CYP2S1: variants seen among roughly 807,000 people sequenced by gnomAD.
CYP2S1 encodes the protein cytochrome P450 2S1.
CYP2S1 carries 32 observed loss-of-function variants against 43.5 expected under a neutral mutation model. That is an observed-to-expected ratio of 0.74 (90% CI 0.56 to 0.99). The LOEUF (loss-of-function observed/expected upper bound fraction) is 0.99. CYP2S1 is among the 50% of genes least tolerant of loss of function. The probability of loss-of-function intolerance (pLI) is 0.00; values close to 1 mark genes in which losing one functional copy is unlikely to be tolerated. For synonymous variants in CYP2S1, 283 were observed against 302.9 expected, an observed-to-expected ratio of 0.93 and a Z score of 0.68; for missense variants, 575 against 673.9, an observed-to-expected ratio of 0.85 and a Z score of 1.62.
intron 2 of CYP2S1, among the ~76,000 whole-genome samples, chr19:41,195,393 T>C (rs560867159): frequency 6.6e-6 from 1 of 152,132 alleles, no homozygotes; most frequent in African/African-American, 2.4e-5. Context: ...CAGTAGTAAC[T>C]AAGACAGCAC....
intron 6 of CYP2S1, among the ~76,000 whole-genome samples, chr19:41,202,738 C>T (rs1482448052): frequency 6.6e-6 from 1 of 151,640 alleles, no homozygotes; most frequent in Non-Finnish European, 1.5e-5. Context: ...AAGGCTATTA[C>T]AGTGAGCCGT....
In CYP2S1 at chr19:41,198,911, C is replaced by T. The variant is rs774583622; in HGVS notation, c.834+23C>T. ...CAGGTGTGGGAAGGGTGCAGGGACC[C>T]CCTCTCTGAATGGGCGTGGTGACCT... On this transcript the variant is annotated intron_variant, in intron 5 of 8. Transcript: ENST00000310054. The surrounding 1 kb of genome is among the most constrained non-coding windows in gnomAD (Gnocchi z 4.9). 1.3e-6 allele frequency: 2 copies of T among 1,589,516 alleles called. No homozygotes were observed. Among genetic ancestry groups the T allele is most frequent in the East Asian group, 2.3e-5 (1 of 44,378 alleles).
chr19:41,199,003 G>C (rs1246061140), intron 5 of CYP2S1, 115 bp downstream of exon 5: 1 of 1,265,054 alleles, frequency 7.9e-7, no homozygotes, highest in Admixed American at 2.6e-5. Flanking sequence ...CTCTCTGCAT[G>C]TCTCTGTGAG....
intron 2 of CYP2S1, 133 bp from the exon 3 acceptor site, chr19:41,197,646 G>A: frequency 7.3e-7 from 1 of 1,364,144 alleles, no homozygotes; most frequent in Non-Finnish European, 1.0e-6. Context: ...GTTGCAGTGA[G>A]ACGAGATCAC....
rs1357581816 is a variant in CYP2S1, at chr19:41,193,246, A to G, written c.-19A>G. The G allele has an allele frequency of 5.3e-6, 8 of 1,523,424 alleles. No individual in the cohort carries two copies. The highest frequency in any genetic ancestry group is 7.0e-6 in the Non-Finnish European group (8 of 1,140,810). 94.4% of individuals were successfully genotyped at this position (1,523,424 alleles called of 1,614,324 possible). A position where few individuals can be genotyped will look rare whatever the true frequency, so the allele number is the denominator to read the frequency against. On this transcript the variant is annotated 5_prime_UTR_variant, in exon 1 of 9. Transcript: ENST00000310054. ...CCGCGCGGAGCGCCTGGGAGAGGAG[A>G]AGGAGCCGACCTGCCGAGATGGAGG...
At chr19:41,204,847 C>T (rs1239155235) in intron 7 of CYP2S1, among the ~76,000 whole-genome samples, 4 of 152,058 alleles carry the variant, frequency 2.6e-5, no homozygotes, top group Non-Finnish European at 4.4e-5. Flanking sequence ...CTGCCTGCCT[C>T]GGCCTCCTAA....
Position 41,193,263 on chromosome 19 carries a change from A to G in CYP2S1, c.-2A>G. 6.5e-7 allele frequency: 1 copy of G among 1,540,932 alleles called. No individual in the cohort carries two copies. Reference sequence around the variant, plus strand: ...GAGAGGAGAAGGAGCCGACCTGCCGAGATGGAGGCGACCGGCACCTGGGCG... The same window carrying G: ...GAGAGGAGAAGGAGCCGACCTGCCGGGATGGAGGCGACCGGCACCTGGGCG... On this transcript the variant is annotated 5_prime_UTR_variant, in exon 1 of 9. Transcript: ENST00000310054.
intron 6 of CYP2S1, among the ~76,000 whole-genome samples, chr19:41,202,145 G>A (rs1253297828): frequency 3.3e-5 from 5 of 152,086 alleles, no homozygotes; most frequent in African/African-American, 7.2e-5. Context: ...GCACCACCAC[G>A]CCCAGCTAAC....
chr19:41,194,906 A>G (rs1295106403), intron 2 of CYP2S1, among the ~76,000 whole-genome samples, 197 bp downstream of exon 2: 3 of 152,172 alleles, frequency 2.0e-5, no homozygotes, highest in Non-Finnish European at 4.4e-5. Flanking sequence ...ACTTGAGGTC[A>G]GGAGTTCGAG....
At chr19:41,193,601 C>A in intron 1 of CYP2S1, 160 bp downstream of exon 1, 3 of 1,303,450 alleles carry the variant, frequency 2.3e-6, no homozygotes, top group Non-Finnish European at 2.9e-6. Context: ...GGGGCAGGAG[C>A]AGGTTGTCCA....
intron 1 of CYP2S1, 93 bp downstream of exon 1, chr19:41,193,534 G>A: frequency 7.3e-7 from 1 of 1,369,394 alleles, no homozygotes; most frequent in Non-Finnish European, 9.4e-7. Flanking sequence ...GGGTATCCTA[G>A]GGAGGAGGCA....
At chr19:41,201,740 G>A (rs971506869) in intron 6 of CYP2S1, among the ~76,000 whole-genome samples, 3 of 151,744 alleles carry the variant, frequency 2.0e-5, no homozygotes, top group Non-Finnish European at 4.4e-5. Context: ...GGGAAGAGTG[G>A]GTGGGCCAAG....
chr19:41,200,995 T>G (rs1289574179), intron 5 of CYP2S1, among the ~76,000 whole-genome samples: 2 of 152,172 alleles, frequency 1.3e-5, no homozygotes, highest in East Asian at 3.9e-4. Flanking sequence ...GGAGAATTGC[T>G]TGAACCCAGG....
rs574212026 is a variant in CYP2S1 at position 41,197,223 on chromosome 19, G to A, written c.344-556G>A. On this transcript the variant is annotated intron_variant, in intron 2 of 8. Coordinates refer to ENST00000310054, the MANE Select transcript of CYP2S1 (RefSeq NM_030622.8). ...AATAATAATAATTACAAAACAGAAG[G>A]AGCCTGGGTCATCCCAGCTACCTAC... Among the ~76,000 whole-genome samples, 4 of 152,088 alleles carry A rather than the reference G, an allele frequency of 2.6e-5. No homozygotes were observed. The East Asian group carries it at 5.8e-4, about 22-fold the overall frequency.
At chr19:41,197,022 C>G (rs2033421234) in intron 2 of CYP2S1, among the ~76,000 whole-genome samples, 1 of 151,964 alleles carries the variant, frequency 6.6e-6, no homozygotes, top group Non-Finnish European at 1.5e-5. Context: ...GTAGAGAAAC[C>G]CCATCTCTAC....
rs2033584311 is a variant in CYP2S1 at position 41,206,621 on chromosome 19, A to G, written c.*133A>G. 8.7e-7 allele frequency: 1 copy of G among 1,149,536 alleles called. No homozygotes were observed. Among genetic ancestry groups the G allele is most frequent in the South Asian group, 1.2e-5 (1 of 81,318 alleles). 71.2% of individuals were successfully genotyped at this position (1,149,536 alleles called of 1,614,324 possible). On this transcript the variant is annotated 3_prime_UTR_variant, in exon 9 of 9. Transcript: ENST00000310054. ...TTACACGCCTGCAGTTGTTTTCCGG[A>G]GTCTGTCCCACGGCCCACACGCTCA...
chr19:41,199,037 G>A, intron 5 of CYP2S1, 149 bp downstream of exon 5: 1 of 1,051,020 alleles, frequency 9.5e-7, no homozygotes, highest in Non-Finnish European at 1.3e-6. Context: ...GTGCATGTGT[G>A]TGCATCCCTT....
At chr19:41,205,454 T>C (rs2033562254) in intron 7 of CYP2S1, among the ~76,000 whole-genome samples, 1 of 119,604 alleles carries the variant, frequency 8.4e-6, no homozygotes, top group African/African-American at 4.5e-5. Context: ...TCTTTTTCTT[T>C]CTCTCTCTCT....
In CYP2S1 at chr19:41,206,981, G is replaced by A. The variant is rs886529953; in HGVS notation, c.*493G>A. ...CCACCCAGAGACTGTCGCTGTCTAT[G>A]GCCCCAACTCATGCTCCCTCTCTTG... On this transcript the variant is annotated 3_prime_UTR_variant, in exon 9 of 9. Coordinates refer to ENST00000310054, the MANE Select transcript of CYP2S1 (RefSeq NM_030622.8). 1.7e-4 allele frequency: 60 copies of A among 362,804 alleles called. 1 individual carries two copies. Among genetic ancestry groups the A allele is most frequent in the Admixed American group, 1.4e-3 (39 of 27,558 alleles). The allele number at this position is 362,804 out of a possible 1,614,324, so 22.5% of individuals were successfully genotyped here.
Sources: gnomAD v4.1 joint callset for allele counts (sites outside exome capture counted in the v4.1 genomes callset) on GRCh38, gnomAD v4.1.1 for gene constraint, Gnocchi (gnomAD v3.1) non-coding constraint, MANE v1.5 for transcripts, NCBI Gene and HGNC (gene_info 2026-07-23, HGNC 2026-07-21) for gene names.